Variants in GPC5 observed in about 807,000 individuals in gnomAD.
GPC5 encodes glypican 5.
A neutral mutation model predicts 53.9 loss-of-function variants in GPC5; 47 were observed. The ratio of observed to expected loss-of-function variants is 0.87; its 90% CI spans 0.69 to 1.11. The LOEUF (loss-of-function observed/expected upper bound fraction) is 1.11. GPC5 is among the 50% of genes most tolerant of loss of function. The pLI is 0.00. For synonymous variants in GPC5, 286 were observed against 263.3 expected (o/e 1.09, Z -0.84); for missense variants, 748 against 713.1 (o/e 1.05, Z -0.56).
intron 7 of GPC5, among the ~76,000 whole-genome samples, chr13:92,205,087 C>G (rs1400875045): frequency 6.6e-6 from 1 of 152,134 alleles, no homozygotes; most frequent in African/African-American, 2.4e-5. Context: ...ACCATGTTAG[C>G]TAAGATGGTC....
At chr13:92,663,833 CTATATATATATACACACACACACTATATA>C (rs1886454686) in intron 7 of GPC5, among the ~76,000 whole-genome samples, 8 of 124,136 alleles carry the variant, frequency 6.4e-5, no homozygotes, top group African/African-American at 2.5e-4. Flanking sequence ...TATACACACA[CTATATATATATACACACACACACTATATA>C]TATATATATA....
At chr13:91,674,608 CGT>C (rs2035336489) in intron 2 of GPC5, among the ~76,000 whole-genome samples, 1 of 142,838 alleles carries the variant, frequency 7.0e-6, no homozygotes, top group African/African-American at 2.6e-5. Context: ...CATATATATG[CGT>C]ATGTGTATAT....
chr13:91,854,063 A>G (rs2038941740), intron 5 of GPC5, among the ~76,000 whole-genome samples: 1 of 151,558 alleles, frequency 6.6e-6, no homozygotes, highest in Admixed American at 6.6e-5. Context: ...TCGCTTTCCA[A>G]CCCCTTCATG....
intron 7 of GPC5, among the ~76,000 whole-genome samples, chr13:92,381,821 A>G (rs1176291788): frequency 8.7e-6 from 1 of 115,420 alleles, no homozygotes; most frequent in Non-Finnish European, 1.8e-5. Flanking sequence ...TATTTCATAT[A>G]TAATCATATA....
chr13:92,602,201 TATATATTAC>T (rs1169093643), intron 7 of GPC5, among the ~76,000 whole-genome samples: 2 of 132,100 alleles, frequency 1.5e-5, no homozygotes, highest in Admixed American at 1.7e-4. Context: ...TATATAAATA[TATATATTAC>T]ATATATATAA....
At chr13:92,680,112 G>T (rs1394381317) in intron 7 of GPC5, among the ~76,000 whole-genome samples, 1 of 152,090 alleles carries the variant, frequency 6.6e-6, no homozygotes, top group African/African-American at 2.4e-5. Flanking sequence ...ATATTTTCTC[G>T]GTTAAACTAG....
At chr13:91,958,205 A>G (rs946599480) in intron 6 of GPC5, among the ~76,000 whole-genome samples, 2 of 152,076 alleles carry the variant, frequency 1.3e-5, no homozygotes, top group Non-Finnish European at 2.9e-5. Flanking sequence ...CCATGCAAAC[A>G]TAGACCAAAA....
At chr13:91,735,924 C>T (rs2036804306) in intron 4 of GPC5, among the ~76,000 whole-genome samples, 1 of 151,238 alleles carries the variant, frequency 6.6e-6, no homozygotes, top group Non-Finnish European at 1.5e-5. Context: ...AAATATAAGA[C>T]TTTGGAACAT....
Position 92,215,179 on chromosome 13 carries a change from G to A in GPC5, c.1561+70190G>A, listed in dbSNP as rs143199100. 7.5e-3 allele frequency among the ~76,000 whole-genome samples: 1,135 copies of A among 152,276 alleles called. 7 individuals carry two copies. The highest frequency in any genetic ancestry group is 9.7e-3 in the Non-Finnish European group (660 of 68,030). On this transcript the variant is annotated intron_variant, in intron 7 of 7. Transcript: ENST00000377067. ...ATATCCATGTGAAAAACAGGGAGGTGGAAGTACACAGAGTGAAACAAAAAC... is the reference window on the plus strand; with the variant it reads ...ATATCCATGTGAAAAACAGGGAGGTAGAAGTACACAGAGTGAAACAAAAAC...
chr13:92,778,590 C>A (rs1875905488), intron 7 of GPC5, among the ~76,000 whole-genome samples: 1 of 152,124 alleles, frequency 6.6e-6, no homozygotes, highest in African/African-American at 2.4e-5. Context: ...ATTCCAATGC[C>A]ACCTCACTAA....
intron 6 of GPC5, among the ~76,000 whole-genome samples, chr13:92,008,596 T>C (rs919264548): frequency 1.3e-5 from 2 of 152,166 alleles, no homozygotes; most frequent in Non-Finnish European, 2.9e-5. Context: ...TATAGAATTC[T>C]ATTTGACAAT....
chr13:92,418,338 A>G (rs1394002616), intron 7 of GPC5, among the ~76,000 whole-genome samples: 2 of 145,270 alleles, frequency 1.4e-5, no homozygotes, highest in Non-Finnish European at 3.0e-5. Context: ...AAGCTCTTAT[A>G]TTTTTTAAAA....
chr13:91,573,775 TAA>T (rs912926579), intron 2 of GPC5, among the ~76,000 whole-genome samples: 1 of 152,154 alleles, frequency 6.6e-6, no homozygotes, highest in African/African-American at 2.4e-5. Context: ...GAAGATAATC[TAA>T]AGAGATAAAT....
chr13:91,770,643 T>C (rs2037605253), intron 5 of GPC5, among the ~76,000 whole-genome samples: 1 of 151,736 alleles, frequency 6.6e-6, no homozygotes. Context: ...ATATTAGACC[T>C]GAAAATTATC....
chr13:92,754,132 C>T (rs568898529), intron 7 of GPC5, among the ~76,000 whole-genome samples: 18 of 152,234 alleles, frequency 1.2e-4, no homozygotes, highest in East Asian at 7.7e-4. Flanking sequence ...GCGGATCTCT[C>T]GGCAGAAACC....
At chr13:92,516,299 T>G (rs1880777947) in intron 7 of GPC5, among the ~76,000 whole-genome samples, 1 of 152,164 alleles carries the variant, frequency 6.6e-6, no homozygotes, top group Admixed American at 6.5e-5. Context: ...ATTTGGAAAT[T>G]AACATTGGCA....
rs1594398141 is a variant in GPC5 at position 92,663,886 on chromosome 13, A to AC, written c.1562-202396_1562-202395insC. Among the ~76,000 whole-genome samples the AC allele has an allele frequency of 6.1e-5, 4 of 66,044 alleles. No homozygotes were observed. The East Asian group carries it at 1.3e-3, about 22-fold the overall frequency. The allele number at this position is 66,044 out of a possible 152,430, so 43.3% of individuals were successfully genotyped here. Reference sequence around the variant, plus strand: ...TATATATATATATATATATATATATATATATATATATATATATACACACAC... The same window carrying AC: ...TATATATATATATATATATATATATACTATATATATATATATATACACACAC... On this transcript the variant is annotated intron_variant, in intron 7 of 7. Transcript: ENST00000377067.
At chr13:91,857,978 T>TTA (rs932220100) in intron 5 of GPC5, among the ~76,000 whole-genome samples, 12 of 151,534 alleles carry the variant, frequency 7.9e-5, no homozygotes, top group African/African-American at 1.2e-4. Flanking sequence ...CAGTTAATTA[T>TTA]TATATATATA....
intron 7 of GPC5, among the ~76,000 whole-genome samples, chr13:92,708,666 A>G (rs1296698100): frequency 1.3e-5 from 2 of 151,264 alleles, no homozygotes; most frequent in African/African-American, 4.9e-5. Flanking sequence ...GTTGTGGAGC[A>G]ATACGTAAGG....
Sources: allele counts gnomAD v4.1 joint callset (sites outside exome capture counted in the v4.1 genomes callset), GRCh38; gene constraint gnomAD v4.1.1; transcripts MANE v1.5; gene names NCBI Gene and HGNC (gene_info 2026-07-23, HGNC 2026-07-21).